The following PDHX variants were observed in gnomAD, a reference collection of about 807,000 sequenced individuals.
PDHX encodes the protein pyruvate dehydrogenase complex component X.
Under a neutral mutation model 55.3 loss-of-function variants are expected in PDHX, and 33 were observed. The observed-to-expected ratio is 0.60, with a 90% CI of 0.45 to 0.80. The LOEUF is 0.80. PDHX is among the 30% of genes least tolerant of loss of function. The pLI is 0.00. For missense variants in PDHX, 622 were observed against 619.9 expected (o/e 1.00, Z -0.04); for synonymous variants, 226 against 219.4 (o/e 1.03, Z -0.27).
intron 5 of PDHX, among the ~76,000 whole-genome samples, chr11:34,962,114 T>C (rs534953501): frequency 7.2e-4 from 109 of 152,350 alleles, no homozygotes; most frequent in African/African-American, 2.5e-3. Flanking sequence ...TTTAATTCAT[T>C]AATCTTTGAG....
At chr11:34,969,620 C>T (rs1267503303) in intron 6 of PDHX, among the ~76,000 whole-genome samples, 1 of 152,122 alleles carries the variant, frequency 6.6e-6, no homozygotes, top group Non-Finnish European at 1.5e-5. Flanking sequence ...CCTGAGATTA[C>T]AGGTGTGAGC....
intron 9 of PDHX, among the ~76,000 whole-genome samples, chr11:34,991,953 A>C (rs1176382090): frequency 6.6e-6 from 1 of 150,490 alleles, no homozygotes; most frequent in Non-Finnish European, 1.5e-5. Context: ...ATTGACCAGA[A>C]TGGATTCTTG....
intron 2 of PDHX, among the ~76,000 whole-genome samples, chr11:34,940,689 TC>T (rs1226522495): frequency 2.6e-5 from 4 of 152,204 alleles, no homozygotes; most frequent in Non-Finnish European, 5.9e-5. Context: ...CCAAAAAAGA[TC>T]CCTGCTGCCT....
intron 1 of PDHX, among the ~76,000 whole-genome samples, chr11:34,926,186 G>C (rs995234851): frequency 6.6e-6 from 1 of 152,132 alleles, no homozygotes; most frequent in African/African-American, 2.4e-5. Flanking sequence ...TACTATAACT[G>C]CCTTTATTCC....
At chr11:34,987,398 A>G (rs987716110) in intron 9 of PDHX, among the ~76,000 whole-genome samples, 2 of 152,172 alleles carry the variant, frequency 1.3e-5, no homozygotes, top group Non-Finnish European at 2.9e-5. Flanking sequence ...ATTGAAGCAC[A>G]CTGAGGCCTC....
At chr11:34,971,533 C>T (rs974244729) in intron 7 of PDHX, among the ~76,000 whole-genome samples, 6 of 152,142 alleles carry the variant, frequency 3.9e-5, no homozygotes, top group African/African-American at 1.4e-4. Flanking sequence ...ACTTTTTGTG[C>T]ATCTTTTCAG....
At chr11:34,971,188 T>A (rs1855251063) in intron 7 of PDHX, among the ~76,000 whole-genome samples, 1 of 152,186 alleles carries the variant, frequency 6.6e-6, no homozygotes, top group South Asian at 2.1e-4. Flanking sequence ...ATTAAATTTG[T>A]AATATTTCTT....
chr11:34,946,598 A>T (rs1854625337), intron 2 of PDHX, among the ~76,000 whole-genome samples: 1 of 152,180 alleles, frequency 6.6e-6, no homozygotes, highest in Non-Finnish European at 1.5e-5. Context: ...GGATATTGGC[A>T]GATACAGCCC....
chr11:34,958,770 C>T (rs1329483954), intron 4 of PDHX, among the ~76,000 whole-genome samples: 1 of 152,090 alleles, frequency 6.6e-6, no homozygotes, highest in Non-Finnish European at 1.5e-5. Context: ...ATAGTATGTA[C>T]CCTAATTAAG....
At chr11:34,923,959 C>G (rs1290968951) in intron 1 of PDHX, among the ~76,000 whole-genome samples, 3 of 152,166 alleles carry the variant, frequency 2.0e-5, no homozygotes, top group Non-Finnish European at 4.4e-5. Context: ...CATGAGAACA[C>G]TGCTGAATAA....
At position 34,986,252 on chromosome 11, in the gene PDHX, C is replaced by G. The variant is rs1194047854; in HGVS notation, c.1182+1524C>G. Among the ~76,000 whole-genome samples, 3 of 148,524 alleles carry G rather than the reference C, an allele frequency of 2.0e-5. No individual in the cohort carries two copies. The Admixed American group carries it at 2.0e-4, about 10-fold the overall frequency. On this transcript the variant is annotated intron_variant, in intron 9 of 10. Transcript: ENST00000227868. ...CCTGGGAGGCAGAGGTTGCAGTGAG[C>G]TGAGATTGTGCCATTTGCACTGCAG...
rs529437437 is a variant in PDHX at position 34,925,991 on chromosome 11, G to A, written c.161-5413G>A. Among the ~76,000 whole-genome samples the A allele has an allele frequency of 2.8e-4, 42 of 152,104 alleles. 1 individual carries two copies. The highest frequency in any genetic ancestry group is 5.9e-5 in the Non-Finnish European group (4 of 68,004). On this transcript the variant is annotated intron_variant, in intron 1 of 10. Transcript: ENST00000227868. Reference sequence around the variant, plus strand: ...TACTCAACCTATATATTGCTTATGGGTTATCTTTTTTATGTTTGTTAGCAT... The same window carrying A: ...TACTCAACCTATATATTGCTTATGGATTATCTTTTTTATGTTTGTTAGCAT...
At chr11:34,989,159 A>G (rs1855709522) in intron 9 of PDHX, among the ~76,000 whole-genome samples, 1 of 152,318 alleles carries the variant, frequency 6.6e-6, no homozygotes, top group Middle Eastern at 3.4e-3. Flanking sequence ...AGTATAAGGA[A>G]ATAGTGATAC....
At chr11:34,946,782 A>T (rs1420889794) in intron 2 of PDHX, among the ~76,000 whole-genome samples, 1 of 152,200 alleles carries the variant, frequency 6.6e-6, no homozygotes, top group African/African-American at 2.4e-5. Flanking sequence ...CCCTAGCTCC[A>T]AATAGTGAAT....
chr11:34,984,441 C>T (rs537481573), intron 8 of PDHX, 129 bp from the exon 9 acceptor site: 80 of 768,470 alleles, frequency 1.0e-4, no homozygotes, highest in African/African-American at 3.9e-4. Context: ...TTTTTTCAAA[C>T]GAAATTTTTA....
intron 2 of PDHX, among the ~76,000 whole-genome samples, chr11:34,934,819 T>G: frequency 6.6e-6 from 1 of 152,000 alleles, no homozygotes; most frequent in Non-Finnish European, 1.5e-5. Context: ...GCTCAAGTGA[T>G]TCTCCTGCCT....
chr11:34,958,007 T>C lies in PDHX; in HGVS notation c.542+424T>C, dbSNP rs182712555. Among the ~76,000 whole-genome samples, 186 of 152,286 alleles carry C rather than the reference T, an allele frequency of 1.2e-3. No individual in the cohort carries two copies. In the Middle Eastern group the frequency reaches 0.014, roughly 11 times the overall value. On this transcript the variant is annotated intron_variant, in intron 4 of 10. Transcript: ENST00000227868. The stretch of plus-strand genomic sequence containing the variant: ...GAATTCATGTTTTAACATGCATTCG[T>C]TTTCAAACTAGTCTGCATTATGACT...
chr11:34,928,496 G>C (rs1854079839), intron 1 of PDHX, among the ~76,000 whole-genome samples: 1 of 146,512 alleles, frequency 6.8e-6, no homozygotes, highest in Non-Finnish European at 1.5e-5. Context: ...GAACAAGTGA[G>C]TTTGTTATTC....
intron 2 of PDHX, among the ~76,000 whole-genome samples, chr11:34,943,805 C>T (rs2133959106): frequency 6.6e-6 from 1 of 152,246 alleles, no homozygotes; most frequent in South Asian, 2.1e-4. Context: ...TCCTCCTCAC[C>T]TCTTCAGGCT....
Sources: gnomAD v4.1 joint callset for allele counts (sites outside exome capture counted in the v4.1 genomes callset) on GRCh38, gnomAD v4.1.1 for gene constraint, MANE v1.5 for transcripts, NCBI Gene and HGNC (gene_info 2026-07-23, HGNC 2026-07-21) for gene names.